Variants in IL1RAPL1 observed in about 807,000 individuals in gnomAD.
IL1RAPL1 encodes interleukin 1 receptor accessory protein like 1.
IL1RAPL1 carries 3 observed loss-of-function variants against 48.4 expected under a neutral mutation model. That is an observed-to-expected ratio of 0.06 (90% CI 0.03 to 0.16). The LOEUF (loss-of-function observed/expected upper bound fraction) is 0.16, where lower values mean the gene tolerates loss of function less well. Among genes scored for constraint, IL1RAPL1 ranks in the 10% least tolerant of loss-of-function variants. The pLI, the probability that IL1RAPL1 is intolerant of heterozygous loss-of-function variation, is 1.00. For synonymous variants in IL1RAPL1, 185 were observed against 187.7 expected, an observed-to-expected ratio of 0.99 and a Z score of 0.12; for missense variants, 349 against 530.6, an observed-to-expected ratio of 0.66 and a Z score of 3.36.
At chrX:29,580,254 G>A (rs1457385323) in intron 5 of IL1RAPL1, among the ~76,000 whole-genome samples, 5 of 108,859 alleles carry the variant, frequency 4.6e-5, no homozygotes, top group Non-Finnish European at 9.5e-5. Context: ...TTAACCTAGT[G>A]CTTTAAAAAT....
intron 2 of IL1RAPL1, among the ~76,000 whole-genome samples, chrX:29,282,339 C>T (rs370621669): frequency 1.8e-5 from 2 of 112,238 alleles, no homozygotes; most frequent in East Asian, 2.8e-4. Context: ...TGGCAGAAAT[C>T]GCTAAGTTGC....
intron 2 of IL1RAPL1, among the ~76,000 whole-genome samples, chrX:28,998,706 A>G (rs776848907): frequency 1.8e-5 from 2 of 111,568 alleles, no homozygotes; most frequent in Non-Finnish European, 3.8e-5. Flanking sequence ...TGTTTCCATA[A>G]AGAATGGGCC....
At chrX:29,908,433 T>A (rs903997353) in intron 6 of IL1RAPL1, among the ~76,000 whole-genome samples, 2 of 109,190 alleles carry the variant, frequency 1.8e-5, no homozygotes, top group African/African-American at 3.3e-5. Flanking sequence ...TCTATGCTCT[T>A]AAGACCCACA....
intron 2 of IL1RAPL1, among the ~76,000 whole-genome samples, chrX:28,844,037 C>A (rs1424365968): frequency 9.1e-6 from 1 of 109,490 alleles, no homozygotes; most frequent in African/African-American, 3.3e-5. Flanking sequence ...GAGCTCATCT[C>A]CTAACACTTC....
rs192904764 is a variant in IL1RAPL1 at position 29,620,377 on chromosome X, C to T, written c.704-48053C>T. ...CTAGGCTATATAGTATAGCCTATTG[C>T]TTTTAGGCTATAAACCTGCACGGCA... On this transcript the variant is annotated intron_variant, in intron 5 of 10. Coordinates refer to ENST00000378993, the MANE Select transcript of IL1RAPL1 (RefSeq NM_014271.4). Among the ~76,000 whole-genome samples the T allele has an allele frequency of 2.6e-4, 29 of 111,286 alleles. No individual in the cohort carries two copies. The East Asian group carries it at 7.6e-3, about 29-fold the overall frequency.
intron 5 of IL1RAPL1, among the ~76,000 whole-genome samples, chrX:29,647,562 C>T (rs1350688280): frequency 3.6e-5 from 4 of 110,302 alleles, no homozygotes; most frequent in Admixed American, 1.9e-4. Context: ...TGTGTGTGGT[C>T]GAAGTTAAAT....
intron 5 of IL1RAPL1, among the ~76,000 whole-genome samples, chrX:29,534,122 A>G (rs758145056): frequency 1.9e-4 from 21 of 112,026 alleles, no homozygotes; most frequent in Non-Finnish European, 2.8e-4. Flanking sequence ...ATTGAGCCAA[A>G]TAAACTTATT....
At chrX:28,699,612 C>T (rs1296790217) in intron 1 of IL1RAPL1, among the ~76,000 whole-genome samples, 1 of 111,853 alleles carries the variant, frequency 8.9e-6, no homozygotes, top group Non-Finnish European at 1.9e-5. Flanking sequence ...TTAATTAGTG[C>T]CAGATTAAGA....
At chrX:29,760,163 C>G (rs1390401038) in intron 6 of IL1RAPL1, among the ~76,000 whole-genome samples, 1 of 111,544 alleles carries the variant, frequency 9.0e-6, no homozygotes, top group Admixed American at 9.6e-5. Context: ...ATAGGCTTCC[C>G]AGTCAGTGCC....
At chrX:29,827,516 G>A (rs2147186252) in intron 6 of IL1RAPL1, among the ~76,000 whole-genome samples, 1 of 112,133 alleles carries the variant, frequency 8.9e-6, no homozygotes, top group African/African-American at 3.2e-5. Context: ...GAGAGAGGGT[G>A]TGGCTCTAGA....
intron 6 of IL1RAPL1, among the ~76,000 whole-genome samples, chrX:29,807,651 G>GAAAAAAAAAAAAAAAA (rs1930287945): frequency 1.6e-5 from 1 of 61,563 alleles, no homozygotes; most frequent in Non-Finnish European, 3.3e-5. Context: ...AAAAAAAAAT[G>GAAAAAAAAAAAAAAAA]AAAGGGAGGA....
intron 6 of IL1RAPL1, among the ~76,000 whole-genome samples, chrX:29,841,177 A>G (rs888497519): frequency 4.5e-5 from 5 of 112,158 alleles, no homozygotes; most frequent in African/African-American, 1.6e-4. Context: ...GGGGTGACAG[A>G]TAACAATGCT....
intron 2 of IL1RAPL1, among the ~76,000 whole-genome samples, chrX:28,833,472 C>G (rs920831368): frequency 8.9e-6 from 1 of 111,748 alleles, no homozygotes; most frequent in African/African-American, 3.2e-5. Context: ...TTCTTTGCAA[C>G]CTTGCCAACA....
intron 6 of IL1RAPL1, among the ~76,000 whole-genome samples, chrX:29,873,388 C>CG (rs1931838308): frequency 9.7e-6 from 1 of 103,507 alleles, no homozygotes; most frequent in African/African-American, 3.8e-5. Flanking sequence ...GCCCCCCCCC[C>CG]AATTATATGT....
At chrX:28,889,889 G>A (rs763509214) in intron 2 of IL1RAPL1, among the ~76,000 whole-genome samples, 1 of 110,695 alleles carries the variant, frequency 9.0e-6, no homozygotes, top group African/African-American at 3.3e-5. Context: ...CTTTCCCACC[G>A]TTATAAATCC....
intron 3 of IL1RAPL1, among the ~76,000 whole-genome samples, chrX:29,352,203 C>G (rs895356105): frequency 3.0e-4 from 34 of 111,483 alleles, no homozygotes; most frequent in African/African-American, 7.8e-4. Context: ...AATAGCTGCT[C>G]TCTGCTCTTT....
At position 29,028,244 on chromosome X, in the gene IL1RAPL1, T is replaced by C. The variant is rs770124349; in HGVS notation, c.82+238819T>C. ...TTGTGTCCTTTGACTCCCCTCCTCCTGCCAGCCCTGGTAGGCACCATTTTA... is the reference window on the plus strand; with the variant it reads ...TTGTGTCCTTTGACTCCCCTCCTCCCGCCAGCCCTGGTAGGCACCATTTTA... On this transcript the variant is annotated intron_variant, in intron 2 of 10. Coordinates refer to ENST00000378993, the MANE Select transcript of IL1RAPL1 (RefSeq NM_014271.4). Among the ~76,000 whole-genome samples the C allele has an allele frequency of 1.0e-4, 11 of 108,990 alleles. No individual in the cohort carries two copies. In the East Asian group the frequency reaches 2.0e-3, roughly 20 times the overall value. The allele number at this position is 108,990 out of a possible 115,157, so 94.6% of individuals were successfully genotyped here.
intron 3 of IL1RAPL1, among the ~76,000 whole-genome samples, chrX:29,358,080 T>TC (rs763155436): frequency 4.5e-5 from 5 of 111,156 alleles, no homozygotes; most frequent in Admixed American, 9.6e-5. Context: ...GAGGGTGACT[T>TC]TTCTGGGTTT....
chrX:29,897,998 A>G (rs1452047456), intron 6 of IL1RAPL1, among the ~76,000 whole-genome samples: 1 of 111,708 alleles, frequency 9.0e-6, no homozygotes, highest in African/African-American at 3.3e-5. Context: ...TTTTTATATT[A>G]TAAAAATTTA....
Sources: gnomAD v4.1 joint callset for allele counts (sites outside exome capture counted in the v4.1 genomes callset) on GRCh38, gnomAD v4.1.1 for gene constraint, MANE v1.5 for transcripts, NCBI Gene and HGNC (gene_info 2026-07-23, HGNC 2026-07-21) for gene names.